Variants in DDX60 observed in about 807,000 individuals in gnomAD.
DDX60 encodes the protein probable ATP-dependent RNA helicase DDX60.
In DDX60, 165 loss-of-function variants were observed where a neutral mutation model predicts 212.8. That is an observed-to-expected ratio of 0.78 (90% CI 0.68 to 0.88). The LOEUF is 0.88. Ranked by LOEUF, DDX60 falls within the 40% of genes least tolerant of loss-of-function variation. DDX60 has a pLI of 0.00. For missense variants in DDX60, 1,905 were observed against 2,003.9 expected (o/e 0.95, Z 0.94); for synonymous variants, 703 against 685.3 (o/e 1.03, Z -0.40).
chr4:168,266,425 T>A (rs775206999), intron 22 of DDX60, among the ~76,000 whole-genome samples: 2 of 152,190 alleles, frequency 1.3e-5, no homozygotes, highest in African/African-American at 2.4e-5. Context: ...ACTATATGCA[T>A]GTAAACAACT....
chr4:168,248,125 G>T, intron 29 of DDX60, 63 bp downstream of exon 29: 1 of 1,085,772 alleles, frequency 9.2e-7, no homozygotes, highest in Non-Finnish European at 1.3e-6. Context: ...AGGTTCACAT[G>T]TTTTACTACG....
At position 168,288,281 on chromosome 4, in the gene DDX60, A is replaced by G. The variant is rs551895137; in HGVS notation, c.1076T>C (p.Ile359Thr). ...CAGATTCCAAAATTCAAAAGTATGTATATTTCTTAAGATGAAATATTCACA... is the reference window on the plus strand; with the variant it reads ...CAGATTCCAAAATTCAAAAGTATGTGTATTTCTTAAGATGAAATATTCACA... ...KWCEYFILRN[I>T]HTFEFWNLNL... The change falls in exon 9 of 38, where the codon ATA becomes ACA. Residue 359 changes from isoleucine to threonine, a missense_variant. Ile to Thr is a moderately conservative substitution (Grantham distance 89). Coordinates refer to ENST00000393743, the MANE Select transcript of DDX60 (RefSeq NM_017631.6). 6.9e-5 allele frequency: 102 copies of G among 1,488,978 alleles called. 1 individual carries two copies. In the South Asian group the frequency reaches 1.1e-3, roughly 17 times the overall value. The allele number at this position is 1,488,978 out of a possible 1,614,324, so 92.2% of individuals were successfully genotyped here.
intron 6 of DDX60, among the ~76,000 whole-genome samples, chr4:168,300,264 G>C (rs902763915): frequency 2.0e-5 from 3 of 152,038 alleles, no homozygotes; most frequent in Admixed American, 6.6e-5. Flanking sequence ...AGCTACGGCT[G>C]GGTGCGGTGG....
chr4:168,270,853 T>C (rs1735059872), intron 19 of DDX60, among the ~76,000 whole-genome samples: 1 of 146,758 alleles, frequency 6.8e-6, no homozygotes, highest in African/African-American at 2.6e-5. Context: ...TAATAAATAT[T>C]CCCCCTTTTT....
At chr4:168,285,109 C>A (rs1373376798) in intron 11 of DDX60, among the ~76,000 whole-genome samples, 174 bp from the exon 12 acceptor site, 1 of 152,160 alleles carries the variant, frequency 6.6e-6, no homozygotes, top group African/African-American at 2.4e-5. Context: ...TCAAAATCTA[C>A]TCCATGTCTC....
chr4:168,317,074 A>AAAAG (rs1737424463), intron 1 of DDX60, among the ~76,000 whole-genome samples: 1 of 148,832 alleles, frequency 6.7e-6, no homozygotes, highest in Non-Finnish European at 1.5e-5. Flanking sequence ...AAAAAAAAAA[A>AAAAG]AAGAAGAAGA....
At chr4:168,275,221 A>G (rs1735281325) in intron 16 of DDX60, 124 bp downstream of exon 16, 2 of 947,218 alleles carry the variant, frequency 2.1e-6, no homozygotes, top group East Asian at 2.8e-5. Flanking sequence ...GACATTTTCA[A>G]TAACAAAGTA....
intron 5 of DDX60, among the ~76,000 whole-genome samples, chr4:168,304,499 G>A (rs1392895780): frequency 1.3e-5 from 2 of 152,008 alleles, no homozygotes; most frequent in African/African-American, 4.8e-5. Context: ...CCCAGAGCTT[G>A]AGACCAGCCT....
At chr4:168,260,288 C>T (rs1194222540) in intron 25 of DDX60, among the ~76,000 whole-genome samples, 5 of 152,074 alleles carry the variant, frequency 3.3e-5, no homozygotes, top group Admixed American at 6.5e-5. Flanking sequence ...CAACAGGCCC[C>T]GGTGTGTGAT....
chr4:168,224,406 T>C (rs372165562), intron 34 of DDX60, 21 bp from the exon 35 acceptor site: 48 of 1,607,920 alleles, frequency 3.0e-5, no homozygotes, highest in South Asian at 3.0e-4. Context: ...TAGTTAGGGA[T>C]AGATTAGTGT....
At chr4:168,241,175 C>T (rs28823276) in intron 30 of DDX60, among the ~76,000 whole-genome samples, 4,149 of 152,324 alleles carry the variant, frequency 0.027, 193 homozygotes, top group African/African-American at 0.094. Context: ...CCTCCTCAGC[C>T]ATGTGGAACT....
rs563426235 is a variant in DDX60, at chr4:168,274,845, C to A, written c.2304+500G>T. On this transcript the variant is annotated intron_variant, in intron 16 of 37. Coordinates refer to ENST00000393743, the MANE Select transcript of DDX60 (RefSeq NM_017631.6). ...TAGGCAAACATGTTCAATTTATCAGCAAGTTGGTATGGTTCAATGTATGTA... is the reference window on the plus strand; with the variant it reads ...TAGGCAAACATGTTCAATTTATCAGAAAGTTGGTATGGTTCAATGTATGTA... 8.5e-5 allele frequency among the ~76,000 whole-genome samples: 13 copies of A among 152,280 alleles called. No individual in the cohort carries two copies. The South Asian group carries it at 2.7e-3, about 32-fold the overall frequency.
At chr4:168,290,845 C>G (rs1736063283) in intron 8 of DDX60, among the ~76,000 whole-genome samples, 1 of 152,116 alleles carries the variant, frequency 6.6e-6, no homozygotes, top group Non-Finnish European at 1.5e-5. Context: ...TTTTCTCACT[C>G]TATCCCAGTG....
intron 25 of DDX60, among the ~76,000 whole-genome samples, chr4:168,260,561 G>A (rs1734585791): frequency 6.6e-6 from 1 of 152,126 alleles, no homozygotes; most frequent in Admixed American, 6.5e-5. Context: ...AAGGATCGAG[G>A]GGGATGGTTT....
In DDX60 at chr4:168,247,525, T is replaced by C. The variant is rs1022683598; in HGVS notation, c.3963+663A>G. On this transcript the variant is annotated intron_variant, in intron 29 of 37. Transcript: ENST00000393743. ...GATAAAAACCTGCATGTGGGTGACATATCTAAATTTGATTCTGCGAGCAGA... is the reference window on the plus strand; with the variant it reads ...GATAAAAACCTGCATGTGGGTGACACATCTAAATTTGATTCTGCGAGCAGA... 1.3e-5 allele frequency among the ~76,000 whole-genome samples: 2 copies of C among 152,192 alleles called. 1 individual carries two copies. Among genetic ancestry groups the C allele is most frequent in the Admixed American group, 1.3e-4 (2 of 15,280 alleles).
At chr4:168,253,218 C>T (rs1671458366) in intron 26 of DDX60, among the ~76,000 whole-genome samples, 1 of 152,138 alleles carries the variant, frequency 6.6e-6, no homozygotes, top group South Asian at 2.1e-4. Context: ...TGGGATGTTC[C>T]TTTTCCTTCT....
intron 4 of DDX60, among the ~76,000 whole-genome samples, chr4:168,307,469 G>A (rs755466149): frequency 2.6e-5 from 4 of 151,766 alleles, no homozygotes; most frequent in Non-Finnish European, 4.4e-5. Flanking sequence ...TTAGAGACTG[G>A]GTCTCACTAT....
intron 33 of DDX60, among the ~76,000 whole-genome samples, chr4:168,235,169 T>C (rs1733589202): frequency 2.0e-5 from 3 of 151,994 alleles, no homozygotes; most frequent in Admixed American, 1.3e-4. Context: ...GGAATTATTA[T>C]CTAATTTTTT....
At chr4:168,299,292 A>G (rs138032905) in intron 6 of DDX60, among the ~76,000 whole-genome samples, 1 of 151,986 alleles carries the variant, frequency 6.6e-6, no homozygotes, top group Admixed American at 6.6e-5. Flanking sequence ...AATGACAAAA[A>G]ATTTACAGCA....
Sources: allele counts gnomAD v4.1 joint callset (sites outside exome capture counted in the v4.1 genomes callset), GRCh38; gene constraint gnomAD v4.1.1; transcripts MANE v1.5; gene names NCBI Gene and HGNC (gene_info 2026-07-23, HGNC 2026-07-21).